HYDIN: variants seen among roughly 807,000 people sequenced by gnomAD.
The protein encoded by HYDIN is HYDIN axonemal central pair apparatus protein.
A neutral mutation model predicts 403.9 loss-of-function variants in HYDIN; 132 were observed. The observed-to-expected ratio is 0.33, with a 90% confidence interval of 0.28 to 0.38. The LOEUF (loss-of-function observed/expected upper bound fraction) is 0.38. Ranked by LOEUF, HYDIN falls within the 10% of genes least tolerant of loss-of-function variation. The pLI is 1.00. For synonymous variants in HYDIN, 1,202 were observed against 1,891.7 expected (o/e 0.64, Z 9.46); for missense variants, 2,827 against 5,009.5 (o/e 0.56, Z 13.15).
chr16:70,908,154 A>G, intron 49 of HYDIN, 98 bp downstream of exon 49: 1 of 1,007,396 alleles, frequency 9.9e-7, no homozygotes, highest in Non-Finnish European at 1.5e-6. Flanking sequence ...GTGCTGCCCC[A>G]GCTCCACGTT....
chr16:71,178,434 A>AAAATAT (rs1555501894), intron 4 of HYDIN, among the ~76,000 whole-genome samples: 1 of 94,572 alleles, frequency 1.1e-5, no homozygotes, highest in African/African-American at 4.6e-5. Context: ...AAAAAAAAAA[A>AAAATAT]ATATATATAT....
At chr16:71,157,623 T>C (rs1396971019) in intron 6 of HYDIN, among the ~76,000 whole-genome samples, 2 of 152,242 alleles carry the variant, frequency 1.3e-5, no homozygotes, top group East Asian at 1.9e-4. Context: ...CTGGTAGGAC[T>C]TGAGGCAACT....
intron 3 of HYDIN, 121 bp downstream of exon 3, chr16:71,184,744 G>A (rs1476406451): frequency 1.3e-6 from 1 of 776,742 alleles, no homozygotes; most frequent in Admixed American, 2.5e-5. Flanking sequence ...CAGAAAAGGA[G>A]GATTGAAAAC....
At chr16:70,923,076 A>G (rs1227965067) in intron 45 of HYDIN, among the ~76,000 whole-genome samples, 7 of 151,664 alleles carry the variant, frequency 4.6e-5, no homozygotes, top group African/African-American at 1.7e-4. Context: ...CCCCTTTTAT[A>G]ACTTTTCATA....
At chr16:70,888,050 G>T (rs527921427) in intron 58 of HYDIN, among the ~76,000 whole-genome samples, 1 of 152,102 alleles carries the variant, frequency 6.6e-6, no homozygotes, top group African/African-American at 2.4e-5. Flanking sequence ...TTCTAAATTT[G>T]TTTATTTATC....
At chr16:71,040,519 T>C (rs2081255142) in intron 18 of HYDIN, among the ~76,000 whole-genome samples, 1 of 112,698 alleles carries the variant, frequency 8.9e-6, no homozygotes, top group African/African-American at 3.5e-5. Context: ...CAACTTTACA[T>C]ACAAGTTCCA....
At chr16:71,197,175 CTAGA>C (rs2087736228) in intron 1 of HYDIN, among the ~76,000 whole-genome samples, 1 of 152,086 alleles carries the variant, frequency 6.6e-6, no homozygotes, top group Non-Finnish European at 1.5e-5. Context: ...AAATGTCTTC[CTAGA>C]TATAGATATA....
At chr16:71,047,378 T>A (rs1310201451) in intron 18 of HYDIN, among the ~76,000 whole-genome samples, 1 of 151,368 alleles carries the variant, frequency 6.6e-6, no homozygotes, top group Non-Finnish European at 1.5e-5. Flanking sequence ...TATAAACTGC[T>A]GGAATCTATC....
At chr16:70,953,431 T>A (rs2143925149) in intron 40 of HYDIN, among the ~76,000 whole-genome samples, 1 of 152,130 alleles carries the variant, frequency 6.6e-6, no homozygotes, top group East Asian at 1.9e-4. Context: ...AGGCTCCCTG[T>A]CCAGCAGGGC....
At position 70,863,639 on chromosome 16, in the gene HYDIN, G is replaced by A. The variant is rs538781331; in HGVS notation, c.11472-457C>T. 3.3e-5 allele frequency among the ~76,000 whole-genome samples: 5 copies of A among 152,312 alleles called. No homozygotes were observed. The South Asian group carries it at 1.0e-3, about 32-fold the overall frequency. On this transcript the variant is annotated intron_variant, in intron 67 of 85. Coordinates refer to ENST00000393567, the MANE Select transcript of HYDIN (RefSeq NM_001270974.2). ...ACCTGTAATCCCAGCACTTTGGGAG[G>A]CCAAGGCAGGCAGCTCACTTGAGGC... is the stretch of plus-strand genomic sequence containing the variant.
chr16:70,984,926 A>G (rs2079144927), intron 28 of HYDIN: 5 of 370,170 alleles, frequency 1.4e-5, no homozygotes, highest in Non-Finnish European at 2.0e-5. Context: ...ATTATCATGG[A>G]AAAAAAATCC....
At chr16:70,951,784 A>AT (rs998594468) in intron 41 of HYDIN, among the ~76,000 whole-genome samples, 2 of 104,776 alleles carry the variant, frequency 1.9e-5, no homozygotes, top group Non-Finnish European at 3.8e-5. Context: ...CTACTCTCTC[A>AT]TTTTTTTCCC....
At chr16:71,210,638 G>C (rs907928694) in intron 1 of HYDIN, among the ~76,000 whole-genome samples, 1 of 151,916 alleles carries the variant, frequency 6.6e-6, no homozygotes, top group Non-Finnish European at 1.5e-5. Context: ...AGCCACACAT[G>C]TACCCCTGAA....
chr16:71,175,772 T>A, intron 4 of HYDIN, 31 bp from the exon 5 acceptor site: 1 of 1,612,342 alleles, frequency 6.2e-7, no homozygotes, highest in South Asian at 1.1e-5. Flanking sequence ...ATGAACATCG[T>A]GCATGTGAAA....
At chr16:70,978,617 A>G (rs2078955905) in intron 30 of HYDIN, among the ~76,000 whole-genome samples, 1 of 152,234 alleles carries the variant, frequency 6.6e-6, no homozygotes, top group African/African-American at 2.4e-5. Flanking sequence ...CGATTGGGCC[A>G]CACCTCTCGT....
rs562544857 is a variant in HYDIN, at chr16:70,823,604, G to C, written c.14427+3657C>G. On this transcript the variant is annotated intron_variant, in intron 83 of 85. Transcript: ENST00000393567. ...CAATCTCTTTCCTTTGGCTGGGCCA[G>C]ACCTCTAATGTTCCCCAGCACTGAT... Among the ~76,000 whole-genome samples, 105 of 151,138 alleles carry C rather than the reference G, an allele frequency of 6.9e-4. 2 individuals carry two copies. Among genetic ancestry groups the C allele is most frequent in the South Asian group, 5.7e-3 (27 of 4,718 alleles).
chr16:71,047,830 T>C (rs1232467613), intron 18 of HYDIN, among the ~76,000 whole-genome samples: 7 of 151,802 alleles, frequency 4.6e-5, no homozygotes, highest in Non-Finnish European at 8.8e-5. Flanking sequence ...TCCTCAGACA[T>C]TTATCATTCT....
chr16:71,036,170 T>C (rs1220400675), intron 18 of HYDIN, among the ~76,000 whole-genome samples: 4 of 151,982 alleles, frequency 2.6e-5, no homozygotes, highest in African/African-American at 7.2e-5. Context: ...ACACAGATCC[T>C]ATGGGAATTG....
At chr16:70,941,507 C>A in intron 43 of HYDIN, 129 bp downstream of exon 43, 5 of 610,452 alleles carry the variant, frequency 8.2e-6, no homozygotes, top group Non-Finnish European at 1.3e-5. Flanking sequence ...CGGCCACTCG[C>A]GTCCCAGTTC....
Sources: allele counts gnomAD v4.1 joint callset (sites outside exome capture counted in the v4.1 genomes callset), GRCh38; gene constraint gnomAD v4.1.1; transcripts MANE v1.5; gene names NCBI Gene and HGNC (gene_info 2026-07-23, HGNC 2026-07-21).